MIPEP: variants seen among roughly 807,000 people sequenced by gnomAD.
The protein encoded by MIPEP is mitochondrial intermediate peptidase.
A neutral mutation model predicts 90.3 loss-of-function variants in MIPEP; 79 were observed. The ratio of observed to expected loss-of-function variants is 0.87; its 90% CI spans 0.73 to 1.05. The LOEUF (loss-of-function observed/expected upper bound fraction) is 1.05, where lower values mean the gene tolerates loss of function less well. Among genes scored for constraint, MIPEP ranks in the 50% least tolerant of loss-of-function variants. The pLI is 0.00. For missense variants in MIPEP, 940 were observed against 905.6 expected, an observed-to-expected ratio of 1.04 and a Z score of -0.49; for synonymous variants, 334 against 315.8, an observed-to-expected ratio of 1.06 and a Z score of -0.61.
At chr13:23,814,719 A>T (rs1467226200) in intron 14 of MIPEP, among the ~76,000 whole-genome samples, 1 of 152,138 alleles carries the variant, frequency 6.6e-6, no homozygotes. Context: ...TAACATTCTA[A>T]CTCCTGACCA....
chr13:23,888,504 T>C (rs1871619590), intron 1 of MIPEP, among the ~76,000 whole-genome samples: 1 of 152,116 alleles, frequency 6.6e-6, no homozygotes, highest in Admixed American at 6.6e-5. Flanking sequence ...CACCTTTCAC[T>C]AGACAACGCA....
chr13:23,860,972 G>C lies in MIPEP; in HGVS notation c.1053+1330C>G, dbSNP rs184702014. 4.2e-4 allele frequency among the ~76,000 whole-genome samples: 64 copies of C among 152,224 alleles called. 1 individual carries two copies. In the Middle Eastern group the frequency reaches 0.024, roughly 57 times the overall value. ...GGAGTGTGCAGTGCCTGGGGTGCTT[G>C]TTGAAACACAGATTGTGGAGCTCAC... On this transcript the variant is annotated intron_variant, in intron 9 of 18. Coordinates refer to ENST00000382172, the MANE Select transcript of MIPEP (RefSeq NM_005932.4).
At chr13:23,846,416 T>C (rs1869543291) in intron 10 of MIPEP, among the ~76,000 whole-genome samples, 1 of 152,192 alleles carries the variant, frequency 6.6e-6, no homozygotes, top group Admixed American at 6.5e-5. Context: ...ATGATTATTA[T>C]AGCAAGAGGA....
intron 18 of MIPEP, among the ~76,000 whole-genome samples, chr13:23,731,573 C>A (rs926257563): frequency 6.6e-6 from 1 of 151,494 alleles, no homozygotes; most frequent in Non-Finnish European, 1.5e-5. Flanking sequence ...TCTTTGTGAC[C>A]CTGAAGTAGG....
rs888376061 is a variant in MIPEP at position 23,888,996 on chromosome 13, G to A, written c.189+136C>T. The A allele has an allele frequency of 2.1e-5, 17 of 823,494 alleles. No homozygotes were observed. The African/African-American group carries it at 2.9e-4, about 14-fold the overall frequency. 51.0% of individuals were successfully genotyped at this position (823,494 alleles called of 1,614,324 possible). ...TTGCCCTCATCGAGAGCGCACACAA[G>A]ACGCCACTGTAAAAGGTGGGTTCGC... On this transcript the variant is annotated intron_variant, in intron 1 of 18. Coordinates refer to ENST00000382172, the MANE Select transcript of MIPEP (RefSeq NM_005932.4).
At chr13:23,843,383 C>A (rs1237052284) in intron 10 of MIPEP, among the ~76,000 whole-genome samples, 4 of 152,154 alleles carry the variant, frequency 2.6e-5, no homozygotes, top group African/African-American at 9.7e-5. Flanking sequence ...GGACCATGCA[C>A]CATAGGCCAT....
rs1156590191 is a variant in MIPEP at position 23,886,650 on chromosome 13, T to C, written c.190-144A>G. 9.6e-6 allele frequency: 5 copies of C among 520,682 alleles called. No homozygotes were observed. In the East Asian group the frequency reaches 1.4e-4, roughly 14 times the overall value. The allele number at this position is 520,682 out of a possible 1,614,324, so 32.3% of individuals were successfully genotyped here. A position where few individuals can be genotyped will look rare whatever the true frequency, so the allele number is the denominator to read the frequency against. On this transcript the variant is annotated intron_variant, in intron 1 of 18. Transcript: ENST00000382172. ...ATACCTGTGATCACAGATACCACTA[T>C]CATACTCCCCATATCACTCCACATA... is the stretch of plus-strand genomic sequence containing the variant.
At chr13:23,865,411 A>G (rs528189323) in intron 7 of MIPEP, among the ~76,000 whole-genome samples, 2 of 152,356 alleles carry the variant, frequency 1.3e-5, no homozygotes, top group South Asian at 4.1e-4. Flanking sequence ...TCAATACTTA[A>G]CAAGTCCTGT....
At chr13:23,780,721 ATGGC>A (rs1279182946) in intron 16 of MIPEP, among the ~76,000 whole-genome samples, 1 of 152,200 alleles carries the variant, frequency 6.6e-6, no homozygotes, top group African/African-American at 2.4e-5. Context: ...GATTAGACGA[ATGGC>A]TAACTAGAAT....
At chr13:23,735,977 GC>G (rs200446670) in intron 18 of MIPEP, among the ~76,000 whole-genome samples, 149 of 152,200 alleles carry the variant, frequency 9.8e-4, no homozygotes, top group African/African-American at 3.4e-3. Flanking sequence ...TTTGTATATG[GC>G]CATAGTAAAA....
chr13:23,839,124 T>C (rs1461560912), intron 12 of MIPEP, among the ~76,000 whole-genome samples: 1 of 152,240 alleles, frequency 6.6e-6, no homozygotes, highest in Non-Finnish European at 1.5e-5. Flanking sequence ...GTCTTCCACA[T>C]AAGGAGCTAC....
At chr13:23,794,918 A>G (rs1308419820) in intron 16 of MIPEP, among the ~76,000 whole-genome samples, 2 of 152,276 alleles carry the variant, frequency 1.3e-5, no homozygotes, top group African/African-American at 4.8e-5. Flanking sequence ...TAAACCTAGC[A>G]TGACACAGAA....
intron 8 of MIPEP, among the ~76,000 whole-genome samples, 159 bp downstream of exon 8, chr13:23,863,982 C>CT (rs1331811456): frequency 6.6e-6 from 1 of 152,142 alleles, no homozygotes; most frequent in Non-Finnish European, 1.5e-5. Context: ...AGGAAGACAA[C>CT]TATGGCCTTT....
intron 14 of MIPEP, among the ~76,000 whole-genome samples, chr13:23,831,385 G>GGGGGGGGA (rs1868746957): frequency 7.5e-6 from 1 of 132,462 alleles, no homozygotes; most frequent in African/African-American, 2.7e-5. Context: ...CCCCATGGCG[G>GGGGGGGGA]GGGGGGGATG....
At chr13:23,737,134 G>A (rs1254338800) in intron 18 of MIPEP, among the ~76,000 whole-genome samples, 2 of 152,200 alleles carry the variant, frequency 1.3e-5, no homozygotes, top group Admixed American at 6.5e-5. Flanking sequence ...CACGGCTTCC[G>A]TTCTGTGGAG....
intron 16 of MIPEP, among the ~76,000 whole-genome samples, chr13:23,774,262 A>C (rs1952687189): frequency 1.3e-5 from 2 of 151,828 alleles, no homozygotes; most frequent in African/African-American, 4.8e-5. Flanking sequence ...TATTCCATTG[A>C]CCTGTATGTT....
At chr13:23,747,622 T>G (rs1952398154) in intron 18 of MIPEP, 1 of 459,396 alleles carries the variant, frequency 2.2e-6, no homozygotes, top group Non-Finnish European at 4.3e-6. Context: ...TTCTTTTACA[T>G]GATTAAAGAA....
intron 8 of MIPEP, among the ~76,000 whole-genome samples, chr13:23,863,317 G>A (rs1274199366): frequency 1.3e-5 from 2 of 152,200 alleles, no homozygotes; most frequent in African/African-American, 4.8e-5. Flanking sequence ...CTGAGCAGGG[G>A]AGGGGCAGGG....
At chr13:23,782,976 C>A (rs1952796509) in intron 16 of MIPEP, among the ~76,000 whole-genome samples, 1 of 152,068 alleles carries the variant, frequency 6.6e-6, no homozygotes. Flanking sequence ...AGCCTACCAA[C>A]CAAAAAAAAT....
Sources: gnomAD v4.1 joint callset for allele counts (sites outside exome capture counted in the v4.1 genomes callset) on GRCh38, gnomAD v4.1.1 for gene constraint, MANE v1.5 for transcripts, NCBI Gene and HGNC (gene_info 2026-07-23, HGNC 2026-07-21) for gene names.